The following RBM20 variants were observed in gnomAD, a reference collection of about 807,000 sequenced individuals.
RBM20 encodes RNA binding motif protein 20.
A neutral mutation model predicts 110.1 loss-of-function variants in RBM20; 51 were observed. That is an observed-to-expected ratio of 0.46 (90% CI 0.37 to 0.59). The LOEUF is 0.59. RBM20 is among the 20% of genes least tolerant of loss of function. The pLI, the probability that RBM20 is intolerant of heterozygous loss-of-function variation, is 0.00. For synonymous variants in RBM20, 589 were observed against 618.2 expected (o/e 0.95, Z 0.70); for missense variants, 1,512 against 1,574.9 (o/e 0.96, Z 0.68).
intron 1 of RBM20, among the ~76,000 whole-genome samples, chr10:110,753,412 C>G (rs1843883961): frequency 6.6e-6 from 1 of 152,180 alleles, no homozygotes; most frequent in South Asian, 2.1e-4. Flanking sequence ...TTGTTCTACA[C>G]AGTGGAAGTT....
At chr10:110,694,665 G>A (rs149453693) in intron 1 of RBM20, among the ~76,000 whole-genome samples, 355 of 152,124 alleles carry the variant, frequency 2.3e-3, no homozygotes, top group African/African-American at 8.3e-3. Flanking sequence ...GAGGTGCAGA[G>A]CTGATGATGG....
chr10:110,726,253 G>A (rs1473512364), intron 1 of RBM20, among the ~76,000 whole-genome samples: 1 of 152,128 alleles, frequency 6.6e-6, no homozygotes. Context: ...GTCCTAGGTG[G>A]CCTGTCTCAG....
At chr10:110,648,554 C>T (rs923086514) in intron 1 of RBM20, among the ~76,000 whole-genome samples, 1 of 152,120 alleles carries the variant, frequency 6.6e-6, no homozygotes, top group Non-Finnish European at 1.5e-5. Context: ...AACATCTGTG[C>T]CAGTTAACAT....
chr10:110,798,761 TGA>T, intron 6 of RBM20, among the ~76,000 whole-genome samples: 1 of 152,302 alleles, frequency 6.6e-6, no homozygotes, highest in East Asian at 1.9e-4. Flanking sequence ...TTTAAGGAAA[TGA>T]GAGAGTCAGG....
Position 110,784,052 on chromosome 10 carries a change from C to T in RBM20, c.1338-289C>T, listed in dbSNP as rs78475930. Among the ~76,000 whole-genome samples, 388 of 152,292 alleles carry T rather than the reference C, an allele frequency of 2.5e-3. 2 individuals carry two copies. The highest frequency in any genetic ancestry group is 4.4e-3 in the Non-Finnish European group (297 of 68,022). Reference sequence around the variant, plus strand: ...TACTTAGCATAACATTTTCAAGGTACATCCATCCATGTTGTAATATGTACA... The same window carrying T: ...TACTTAGCATAACATTTTCAAGGTATATCCATCCATGTTGTAATATGTACA... On this transcript the variant is annotated intron_variant, in intron 3 of 13. Coordinates refer to ENST00000369519, the MANE Select transcript of RBM20 (RefSeq NM_001134363.3).
chr10:110,730,055 T>G (rs1843604899), intron 1 of RBM20, among the ~76,000 whole-genome samples: 1 of 152,126 alleles, frequency 6.6e-6, no homozygotes, highest in Non-Finnish European at 1.5e-5. Context: ...CAACCTCAGG[T>G]GATCCACCCG....
At chr10:110,706,998 A>G (rs1590628404) in intron 1 of RBM20, among the ~76,000 whole-genome samples, 2 of 152,202 alleles carry the variant, frequency 1.3e-5, no homozygotes, top group Non-Finnish European at 2.9e-5. Context: ...TGACCCAGGG[A>G]GGCTCTAGGA....
At chr10:110,801,146 C>T (rs1047767393) in intron 7 of RBM20, among the ~76,000 whole-genome samples, 12 of 152,092 alleles carry the variant, frequency 7.9e-5, no homozygotes, top group Non-Finnish European at 1.8e-4. Flanking sequence ...TTAGAGTTTT[C>T]GGCCGGGCGT....
rs757962451 is a variant in RBM20 at position 110,821,616 on chromosome 10, G to A, written c.2997G>A (p.Met999Ile). The change falls in exon 11 of 14, where the codon ATG (methionine) becomes ATA (isoleucine). Residue 999 changes from methionine to isoleucine, a missense_variant. Physicochemically the swap from Met to Ile is conservative, Grantham distance 10. Transcript: ENST00000369519. ...GTCCCAGTGACATGGACGTGGAAATGCCTGGCCTAAATCTGGATGCTGAGC... is the reference window on the plus strand; with the variant it reads ...GTCCCAGTGACATGGACGTGGAAATACCTGGCCTAAATCTGGATGCTGAGC... ...TSCPSDMDVEMPGLNLDAERK... is the reference protein window; with the variant it reads ...TSCPSDMDVEIPGLNLDAERK... 15 of 1,551,482 alleles carry A rather than the reference G, an allele frequency of 9.7e-6. No homozygotes were observed. In the South Asian group the frequency reaches 1.8e-4, roughly 18 times the overall value.
At chr10:110,697,969 G>A (rs1862692135) in intron 1 of RBM20, among the ~76,000 whole-genome samples, 1 of 149,496 alleles carries the variant, frequency 6.7e-6, no homozygotes, top group Admixed American at 6.7e-5. Context: ...GTGCAGTGGT[G>A]CGATGTCGGC....
intron 7 of RBM20, 98 bp downstream of exon 7, chr10:110,800,016 A>C (rs1213215267): frequency 1.7e-6 from 2 of 1,154,168 alleles, no homozygotes; most frequent in African/African-American, 3.1e-5. Flanking sequence ...AAAGGAGAGG[A>C]TAGGAAAAGA....
chr10:110,833,879 G>A (rs192560359), intron 13 of RBM20, among the ~76,000 whole-genome samples: 17 of 152,306 alleles, frequency 1.1e-4, no homozygotes, highest in Middle Eastern at 3.4e-3. Context: ...TTCTGTCAGC[G>A]GCTTTGACAG....
intron 5 of RBM20, among the ~76,000 whole-genome samples, chr10:110,787,910 T>C (rs1290103913): frequency 1.3e-5 from 2 of 152,110 alleles, no homozygotes; most frequent in Admixed American, 6.5e-5. Context: ...ACAGCCAACA[T>C]TTATATAGTA....
At position 110,797,645 on chromosome 10, in the gene RBM20, T is replaced by G; in HGVS notation, c.1665T>G (p.Asn555Lys). The part of the protein sequence containing the change: ...VTNYILMKST[N>K]QAFLEMAYTE... The stretch of plus-strand genomic sequence containing the variant: ...ATTACATCCTCATGAAGTCGACTAA[T>G]CAGGTAGGTCTGGGTACTTTCACTC... Residue 555 changes from asparagine (N) to lysine (K), a missense_variant, in exon 6 of 14, where the codon AAT becomes AAG. Physicochemically the swap from Asn to Lys is moderately conservative, Grantham distance 94. Around this residue, in one of 3 missense-constraint regions of RBM20, gnomAD observed 1,149 missense variants for 1,169.4 expected, o/e 0.98. Transcript: ENST00000369519. The G allele has an allele frequency of 3.2e-6, 5 of 1,551,770 alleles. No homozygotes were observed. Among genetic ancestry groups the G allele is most frequent in the Non-Finnish European group, 4.4e-6 (5 of 1,146,966 alleles).
rs144940168 is a variant in RBM20, at chr10:110,715,890, T to C, written c.192-64911T>C. Among the ~76,000 whole-genome samples the C allele has an allele frequency of 2.9e-3, 437 of 152,220 alleles. 6 individuals are homozygous for C. Among genetic ancestry groups the C allele is most frequent in the African/African-American group, 9.7e-3 (403 of 41,524 alleles). On this transcript the variant is annotated intron_variant, in intron 1 of 13. Coordinates refer to ENST00000369519, the MANE Select transcript of RBM20 (RefSeq NM_001134363.3). Reference sequence around the variant, plus strand: ...CCATTGGCCATAACTAATCACATGGTCCCCACTTAACTACAAGGGAGGCAG... The same window carrying C: ...CCATTGGCCATAACTAATCACATGGCCCCCACTTAACTACAAGGGAGGCAG...
intron 8 of RBM20, among the ~76,000 whole-genome samples, chr10:110,811,488 T>C (rs1201241354): frequency 2.0e-5 from 3 of 152,162 alleles, no homozygotes; most frequent in African/African-American, 7.2e-5. Flanking sequence ...TTCTGATTAT[T>C]TGGGTTTTTT....
intron 1 of RBM20, among the ~76,000 whole-genome samples, chr10:110,685,474 T>G (rs1862490031): frequency 6.6e-6 from 1 of 152,160 alleles, no homozygotes; most frequent in Non-Finnish European, 1.5e-5. Context: ...GGAAGATAGC[T>G]CTGGCATTTA....
chr10:110,782,072 G>A (rs370729399), intron 2 of RBM20, among the ~76,000 whole-genome samples, 188 bp downstream of exon 2: 1 of 152,254 alleles, frequency 6.6e-6, no homozygotes, highest in East Asian at 1.9e-4. Context: ...ATCAGGACCA[G>A]TCCCTTGCTT....
intron 1 of RBM20, among the ~76,000 whole-genome samples, chr10:110,777,116 G>A (rs781093493): frequency 6.6e-6 from 1 of 152,204 alleles, no homozygotes; most frequent in Non-Finnish European, 1.5e-5. Context: ...TGCCCATAAA[G>A]TGGGAGGCAG....
Sources: allele counts gnomAD v4.1 joint callset (sites outside exome capture counted in the v4.1 genomes callset), GRCh38; gene constraint gnomAD v4.1.1; regional missense constraint gnomAD v4.1.1; transcripts MANE v1.5; gene names NCBI Gene and HGNC (gene_info 2026-07-23, HGNC 2026-07-21).